IRAG1: variants seen among roughly 807,000 people sequenced by gnomAD.
IRAG1 encodes inositol 1,4,5-triphosphate receptor associated 1, also known as IP3R-associated cGMP kinase substrate.
Under a neutral mutation model 106.2 loss-of-function variants are expected in IRAG1, and 62 were observed. The observed-to-expected ratio is 0.58, with a 90% confidence interval of 0.48 to 0.72. IRAG1 has a LOEUF of 0.72. IRAG1 is among the 30% of genes least tolerant of loss of function. IRAG1 has a pLI of 0.00. For synonymous variants in IRAG1, 462 were observed against 443.9 expected, an observed-to-expected ratio of 1.04 and a Z score of -0.51; for missense variants, 1,064 against 1,140.7, an observed-to-expected ratio of 0.93 and a Z score of 0.97.
In IRAG1 at chr11:10,623,772, A is replaced by G. The variant is rs1856015945; in HGVS notation, c.1447+6T>C. 4 of 1,613,898 alleles carry G rather than the reference A, an allele frequency of 2.5e-6. No individual in the cohort carries two copies. The highest frequency in any genetic ancestry group is 1.1e-5 in the South Asian group (1 of 91,086). Reference sequence around the variant, plus strand: ...CTGAGACAGCATCTGCCCCAACCCCACCTACCTTTTTCCTGCTCAGCTGCT... The same window carrying G: ...CTGAGACAGCATCTGCCCCAACCCCGCCTACCTTTTTCCTGCTCAGCTGCT... On this transcript the variant is annotated splice_donor_region_variant and intron_variant, in intron 10 of 20. Transcript: ENST00000423302.
At position 10,647,278 on chromosome 11, in the gene IRAG1, A is replaced by G. The variant is rs1484730662; in HGVS notation, c.225+4747T>C. Among the ~76,000 whole-genome samples the G allele has an allele frequency of 2.6e-5, 4 of 152,232 alleles. No individual in the cohort carries two copies. The highest frequency in any genetic ancestry group is 6.5e-5 in the Admixed American group (1 of 15,292). On this transcript the variant is annotated intron_variant, in intron 2 of 20. Coordinates refer to ENST00000423302, the MANE Select transcript of IRAG1 (RefSeq NM_130385.4). This position sits in a 1 kb window ranked among gnomAD's most constrained non-coding sequence, Gnocchi z 4.3. ...CCTGGGCCTGCCACTTATGAGCTGT[A>G]TGACCTTGGAGGAAGGTAGTTAATT...
intron 15 of IRAG1, among the ~76,000 whole-genome samples, chr11:10,594,469 A>G (rs1371457154): frequency 6.6e-6 from 1 of 152,104 alleles, no homozygotes; most frequent in Non-Finnish European, 1.5e-5. Flanking sequence ...TGACCCCACT[A>G]AACACGCTCT....
intron 10 of IRAG1, among the ~76,000 whole-genome samples, chr11:10,610,607 G>T (rs1252389430): frequency 6.6e-6 from 1 of 152,144 alleles, no homozygotes; most frequent in East Asian, 1.9e-4. Context: ...GCTCCACTGT[G>T]GCCCATGGTC....
chr11:10,691,733 G>A (rs910683661), intron 1 of IRAG1, among the ~76,000 whole-genome samples: 5 of 151,996 alleles, frequency 3.3e-5, no homozygotes, highest in African/African-American at 9.7e-5. Context: ...GAAATCCCTC[G>A]TGGAAAGCCT....
chr11:10,583,968 T>C (rs183034329), intron 18 of IRAG1, among the ~76,000 whole-genome samples: 5 of 152,076 alleles, frequency 3.3e-5, no homozygotes, highest in South Asian at 2.1e-4. Context: ...AAAAGAGTTA[T>C]ATGAGAAAGA....
At chr11:10,690,645 C>A (rs1044062575) in intron 1 of IRAG1, among the ~76,000 whole-genome samples, 4 of 152,150 alleles carry the variant, frequency 2.6e-5, no homozygotes, top group African/African-American at 9.7e-5. Context: ...TCAGTAACTG[C>A]CCCAGGACCT....
intron 1 of IRAG1, among the ~76,000 whole-genome samples, chr11:10,660,150 G>A (rs1253808190): frequency 6.6e-6 from 1 of 152,202 alleles, no homozygotes; most frequent in Non-Finnish European, 1.5e-5. Context: ...CTCTTTAGTG[G>A]TGCACAGGAG....
rs532157422 is a variant in IRAG1, at chr11:10,623,580, C to T, written c.1447+198G>A. Among the ~76,000 whole-genome samples the T allele has an allele frequency of 3.9e-5, 6 of 152,280 alleles. No individual in the cohort carries two copies. In the East Asian group the frequency reaches 1.2e-3, roughly 29 times the overall value. On this transcript the variant is annotated intron_variant, in intron 10 of 20. Coordinates refer to ENST00000423302, the MANE Select transcript of IRAG1 (RefSeq NM_130385.4). Reference sequence around the variant, plus strand: ...AGCATGGCTTAGGGAGGGCTGACAGCGAGGCCTGGGGGCTGGTTGGAAGGA... The same window carrying T: ...AGCATGGCTTAGGGAGGGCTGACAGTGAGGCCTGGGGGCTGGTTGGAAGGA...
intron 1 of IRAG1, among the ~76,000 whole-genome samples, chr11:10,683,233 C>T (rs537877291): frequency 3.2e-3 from 483 of 152,054 alleles, no homozygotes; most frequent in African/African-American, 0.011. Context: ...CCTCATGTAT[C>T]CATTTGTTTT....
At chr11:10,686,929 G>A (rs1002515513) in intron 1 of IRAG1, among the ~76,000 whole-genome samples, 12 of 152,226 alleles carry the variant, frequency 7.9e-5, no homozygotes, top group African/African-American at 2.9e-4. Flanking sequence ...CCAGAAGAAA[G>A]GAGTTAAGAG....
At chr11:10,667,140 C>G (rs199757960) in intron 1 of IRAG1, among the ~76,000 whole-genome samples, 21 of 136,604 alleles carry the variant, frequency 1.5e-4, no homozygotes, top group African/African-American at 5.2e-4. Context: ...TTTTTTTTTT[C>G]GTTTTTTTGT....
At chr11:10,578,272 C>T (rs1395754323) in intron 20 of IRAG1, among the ~76,000 whole-genome samples, 1 of 152,218 alleles carries the variant, frequency 6.6e-6, no homozygotes, top group Admixed American at 6.5e-5. Context: ...GTCCTCTTAA[C>T]CCCATAGAAC....
Position 10,652,066 on chromosome 11 carries a change from G to T in IRAG1, c.184C>A (p.Pro62Thr), listed in dbSNP as rs556153702. The change falls in exon 2 of 21, where the codon CCC becomes ACC. Residue 62 changes from proline to threonine, a missense_variant. Coordinates refer to ENST00000423302, the MANE Select transcript of IRAG1 (RefSeq NM_130385.4). ...AMPHIPEDEE[P>T]PGEPQAAQSP... ...TGGGCTGCCTGTGGCTCTCCGGGGG[G>T]CTCCTCGTCCTCGGGAATGTGGGGC... 1.9e-5 allele frequency: 31 copies of T among 1,596,146 alleles called. No homozygotes were observed. Among genetic ancestry groups the T allele is most frequent in the Non-Finnish European group, 2.4e-5 (28 of 1,172,082 alleles).
chr11:10,610,932 T>C (rs1484635429), intron 10 of IRAG1, among the ~76,000 whole-genome samples: 2 of 152,226 alleles, frequency 1.3e-5, no homozygotes, highest in African/African-American at 4.8e-5. Context: ...ACCTGGTAGC[T>C]TTCCAATCTG....
chr11:10,595,109 G>T (rs893932735), intron 15 of IRAG1, among the ~76,000 whole-genome samples: 45 of 151,974 alleles, frequency 3.0e-4, no homozygotes, highest in African/African-American at 1.1e-3. Flanking sequence ...ATTTTTAGTA[G>T]AAACAGGGTT....
In IRAG1 at chr11:10,575,289, C is replaced by G. The variant is rs982774732; in HGVS notation, c.*1043G>C. 2.0e-5 allele frequency: 3 copies of G among 152,238 alleles called. No homozygotes were observed. Among genetic ancestry groups the G allele is most frequent in the Admixed American group, 1.3e-4 (2 of 15,284 alleles). The allele number at this position is 152,238 out of a possible 1,614,324, so 9.4% of individuals were successfully genotyped here. ...TGAAGCACTGAGGTGCAAGTTTACT[C>G]TTGCATGTGGTCACACACAGAGTAA... On this transcript the variant is annotated 3_prime_UTR_variant, in exon 21 of 21. Coordinates refer to ENST00000423302, the MANE Select transcript of IRAG1 (RefSeq NM_130385.4).
chr11:10,606,300 CCCGGCT>C (rs1854473812), intron 12 of IRAG1, among the ~76,000 whole-genome samples: 2 of 152,180 alleles, frequency 1.3e-5, no homozygotes, highest in Non-Finnish European at 2.9e-5. Context: ...AGCACAGCTT[CCCGGCT>C]CCGCTGAGCT....
intron 9 of IRAG1, among the ~76,000 whole-genome samples, chr11:10,624,134 C>T (rs1359942109): frequency 6.6e-6 from 1 of 152,184 alleles, no homozygotes; most frequent in Admixed American, 6.5e-5. Flanking sequence ...CTGTGGGCTT[C>T]AGGGTAAATG....
intron 4 of IRAG1, 59 bp downstream of exon 4, chr11:10,631,932 A>T: frequency 6.8e-7 from 1 of 1,468,792 alleles, no homozygotes; most frequent in Non-Finnish European, 9.5e-7. Flanking sequence ...AGTCAAGCCC[A>T]GCCACGCTGC....
Sources: allele counts gnomAD v4.1 joint callset (sites outside exome capture counted in the v4.1 genomes callset), GRCh38; gene constraint gnomAD v4.1.1; non-coding constraint Gnocchi (gnomAD v3.1); transcripts MANE v1.5; gene names NCBI Gene and HGNC (gene_info 2026-07-23, HGNC 2026-07-21).